Variants in USP32 observed in about 807,000 individuals in gnomAD.
USP32 encodes ubiquitin carboxyl-terminal hydrolase 32.
Under a neutral mutation model 204.8 loss-of-function variants are expected in USP32, and 59 were observed. The ratio of observed to expected loss-of-function variants is 0.29; its 90% CI spans 0.23 to 0.36. The LOEUF is 0.36. Ranked by LOEUF, USP32 falls within the 10% of genes least tolerant of loss-of-function variation. The probability of loss-of-function intolerance (pLI) is 1.00; values close to 1 mark genes in which losing one functional copy is unlikely to be tolerated. For missense variants in USP32, 1,160 were observed against 1,946.4 expected (o/e 0.60, Z 7.60); for synonymous variants, 517 against 678.4 (o/e 0.76, Z 3.70).
intron 2 of USP32, among the ~76,000 whole-genome samples, chr17:60,309,919 C>T (rs1334227213): frequency 6.6e-6 from 1 of 152,092 alleles, no homozygotes; most frequent in African/African-American, 2.4e-5. Context: ...TGGCATGTGC[C>T]TGTAATCCAA....
chr17:60,276,475 C>A (rs2086842598), intron 5 of USP32, among the ~76,000 whole-genome samples: 1 of 151,986 alleles, frequency 6.6e-6, no homozygotes, highest in African/African-American at 2.4e-5. Flanking sequence ...GAAACACTAG[C>A]TTTTTCAAGT....
chr17:60,255,034 C>T lies in USP32; in HGVS notation c.1074+141G>A, dbSNP rs237965. On this transcript the variant is annotated intron_variant, in intron 10 of 33. Coordinates refer to ENST00000300896, the MANE Select transcript of USP32 (RefSeq NM_032582.4). ...CTTCAGCAAGCACCCATCTTTCAGA[C>T]GAGTAATGTAGTTCTTTTTTTTTTT... The T allele has an allele frequency of 3.0e-3, 1,716 of 565,000 alleles. 23 individuals carry two copies. Among genetic ancestry groups the T allele is most frequent in the African/African-American group, 0.025 (1,287 of 50,990 alleles). 35.0% of individuals were successfully genotyped at this position (565,000 alleles called of 1,614,324 possible).
At chr17:60,198,205 G>C in intron 27 of USP32, 55 bp downstream of exon 27, 1 of 1,582,700 alleles carries the variant, frequency 6.3e-7, no homozygotes, top group South Asian at 1.2e-5. Context: ...AATTCATATA[G>C]ATTATTTTTC....
At chr17:60,332,160 A>G (rs1206860459) in intron 2 of USP32, among the ~76,000 whole-genome samples, 1 of 152,072 alleles carries the variant, frequency 6.6e-6, no homozygotes, top group Admixed American at 6.6e-5. Flanking sequence ...CGGGAGGCTG[A>G]GGCACGAGAC....
At chr17:60,421,992 A>G in intron 1 of USP32, 2 of 967,966 alleles carry the variant, frequency 2.1e-6, no homozygotes, top group Non-Finnish European at 2.5e-6. Flanking sequence ...TACACCCCCA[A>G]AACACACACA....
intron 1 of USP32, among the ~76,000 whole-genome samples, chr17:60,420,922 C>A (rs2090106829): frequency 6.6e-6 from 1 of 152,036 alleles, no homozygotes; most frequent in Non-Finnish European, 1.5e-5. Context: ...TATGAATATA[C>A]CATGATTTAT....
At chr17:60,406,249 G>A (rs1176630623) in intron 1 of USP32, among the ~76,000 whole-genome samples, 1 of 150,626 alleles carries the variant, frequency 6.6e-6, no homozygotes, top group Non-Finnish European at 1.5e-5. Flanking sequence ...GACCATCTCA[G>A]CTCACTGCAA....
chr17:60,309,274 T>C (rs2087799141), intron 2 of USP32, among the ~76,000 whole-genome samples: 1 of 151,860 alleles, frequency 6.6e-6, no homozygotes, highest in Non-Finnish European at 1.5e-5. Flanking sequence ...TATAAGGAGC[T>C]CAAACAACTT....
At chr17:60,291,527 C>CTG (rs926146064) in intron 4 of USP32, among the ~76,000 whole-genome samples, 24 of 140,722 alleles carry the variant, frequency 1.7e-4, no homozygotes, top group South Asian at 6.7e-4. Context: ...GCTTCTCTCT[C>CTG]TGTGTGTGTA....
chr17:60,218,574 C>T (rs907924257), intron 16 of USP32, among the ~76,000 whole-genome samples: 30 of 151,760 alleles, frequency 2.0e-4, no homozygotes, highest in African/African-American at 6.8e-4. Context: ...TTAACATAGT[C>T]TGAGAATTTG....
intron 1 of USP32, among the ~76,000 whole-genome samples, chr17:60,416,423 G>C (rs528928934): frequency 1.3e-5 from 2 of 152,068 alleles, no homozygotes; most frequent in African/African-American, 2.4e-5. Context: ...TGCATAAAGA[G>C]GGGGGTGGGC....
At chr17:60,329,789 A>G (rs1198504606) in intron 2 of USP32, among the ~76,000 whole-genome samples, 1 of 151,860 alleles carries the variant, frequency 6.6e-6, no homozygotes, top group Non-Finnish European at 1.5e-5. Flanking sequence ...CCAGATTACC[A>G]CTCTGCCTTA....
At chr17:60,207,362 T>C (rs2084856724) in intron 24 of USP32, among the ~76,000 whole-genome samples, 2 of 152,076 alleles carry the variant, frequency 1.3e-5, no homozygotes, top group South Asian at 4.1e-4. Context: ...GTGTGTTATA[T>C]ACGACTGACT....
chr17:60,356,149 C>T (rs922690780), intron 1 of USP32, among the ~76,000 whole-genome samples: 3 of 152,102 alleles, frequency 2.0e-5, no homozygotes, highest in African/African-American at 7.2e-5. Context: ...TTTGAGTTCA[C>T]TCTACAAATA....
At chr17:60,310,501 C>T (rs896486362) in intron 2 of USP32, among the ~76,000 whole-genome samples, 6 of 150,612 alleles carry the variant, frequency 4.0e-5, no homozygotes, top group African/African-American at 1.5e-4. Flanking sequence ...GAGATTAAGA[C>T]CTTCCTGTCC....
At chr17:60,363,804 T>C (rs2089259941) in intron 1 of USP32, among the ~76,000 whole-genome samples, 1 of 151,958 alleles carries the variant, frequency 6.6e-6, no homozygotes, top group Non-Finnish European at 1.5e-5. Flanking sequence ...TGAATAGGTA[T>C]AATTTCATAA....
chr17:60,337,964 C>T (rs753276674), intron 2 of USP32, among the ~76,000 whole-genome samples: 17 of 152,140 alleles, frequency 1.1e-4, no homozygotes, highest in Non-Finnish European at 2.4e-4. Flanking sequence ...GTGCTATGTA[C>T]TACAGATTCA....
chr17:60,252,656 T>C (rs1177974661), intron 10 of USP32, among the ~76,000 whole-genome samples: 3 of 152,130 alleles, frequency 2.0e-5, no homozygotes, highest in Admixed American at 6.6e-5. Context: ...AAGCTAACTT[T>C]CAAATCTCTA....
intron 1 of USP32, among the ~76,000 whole-genome samples, chr17:60,412,131 A>T (rs1166470533): frequency 1.3e-5 from 2 of 152,176 alleles, no homozygotes; most frequent in African/African-American, 2.4e-5. Flanking sequence ...CAACAAGCCC[A>T]ACTTGGAATT....
Sources: gnomAD v4.1 joint callset for allele counts (sites outside exome capture counted in the v4.1 genomes callset) on GRCh38, gnomAD v4.1.1 for gene constraint, MANE v1.5 for transcripts, NCBI Gene and HGNC (gene_info 2026-07-23, HGNC 2026-07-21) for gene names.